RWDD4: variants seen among roughly 807,000 people sequenced by gnomAD.
RWDD4 encodes RWD domain-containing protein 4.
A neutral mutation model predicts 30.0 loss-of-function variants in RWDD4; 16 were observed. The ratio of observed to expected loss-of-function variants is 0.53; its 90% confidence interval spans 0.36 to 0.81. RWDD4 has a LOEUF of 0.81. RWDD4 is among the 30% of genes least tolerant of loss of function. The pLI is 0.00. For synonymous variants in RWDD4, 45 were observed against 72.1 expected (o/e 0.62, Z 1.90); for missense variants, 170 against 223.9 (o/e 0.76, Z 1.54).
At position 183,656,898 on chromosome 4, in the gene RWDD4, C is replaced by T. The variant is rs563308012; in HGVS notation, c.25-937G>A. Among the ~76,000 whole-genome samples, 10 of 152,254 alleles carry T rather than the reference C, an allele frequency of 6.6e-5. No homozygotes were observed. The South Asian group carries it at 1.7e-3, about 25-fold the overall frequency. Reference sequence around the variant, plus strand: ...AAAATTAGCCAGGTGTGGTGATGGGCGCCTGTAGTCCCAGCTACTCAGGAG... The same window carrying T: ...AAAATTAGCCAGGTGTGGTGATGGGTGCCTGTAGTCCCAGCTACTCAGGAG... On this transcript the variant is annotated intron_variant, in intron 1 of 7. Transcript: ENST00000326397.
In RWDD4 at chr4:183,651,382, T is replaced by G; in HGVS notation, c.106-55A>C. ...AAAAGGTGATAAAAAGACAGAAAAC[T>G]AAATTATAATCTTCAAAAGGGTGAA... On this transcript the variant is annotated intron_variant, in intron 2 of 7. Transcript: ENST00000326397. The G allele has an allele frequency of 4.8e-6, 6 of 1,237,668 alleles. No individual in the cohort carries two copies. The Admixed American group carries it at 1.1e-4, about 23-fold the overall frequency. The allele number at this position is 1,237,668 out of a possible 1,614,324, so 76.7% of individuals were successfully genotyped here. A position where few individuals can be genotyped will look rare whatever the true frequency, so the allele number is the denominator to read the frequency against.
At chr4:183,654,944 G>T (rs1299780556) in intron 2 of RWDD4, among the ~76,000 whole-genome samples, 1 of 150,864 alleles carries the variant, frequency 6.6e-6, no homozygotes, top group Admixed American at 6.6e-5. Context: ...TTATTTGTGT[G>T]TTTTTTTTGT....
intron 7 of RWDD4, 34 bp from the exon 8 acceptor site, chr4:183,641,502 G>A: frequency 6.5e-7 from 1 of 1,538,550 alleles, no homozygotes; most frequent in Non-Finnish European, 9.0e-7. Flanking sequence ...GTCAACAAGT[G>A]GTATTTTCTG....
intron 7 of RWDD4, among the ~76,000 whole-genome samples, chr4:183,645,944 C>G (rs1441349125): frequency 6.6e-6 from 1 of 151,978 alleles, no homozygotes; most frequent in African/African-American, 2.4e-5. Context: ...ACTCTGTCGC[C>G]CAGGCTGGAG....
At chr4:183,656,295 C>G (rs1018892047) in intron 1 of RWDD4, among the ~76,000 whole-genome samples, 2 of 152,206 alleles carry the variant, frequency 1.3e-5, no homozygotes, top group Non-Finnish European at 2.9e-5. Flanking sequence ...AGCAAGCGCT[C>G]TTAGAACTTG....
chr4:183,646,593 T>C lies in RWDD4; in HGVS notation c.482-56A>G, dbSNP rs1733970438. On this transcript the variant is annotated intron_variant, in intron 5 of 7. Transcript: ENST00000326397. ...TAAGACCAACCAGCTAGTTTTATAATAATTAAGATTTTATATACTACTGTA... is the reference window on the plus strand; with the variant it reads ...TAAGACCAACCAGCTAGTTTTATAACAATTAAGATTTTATATACTACTGTA... 6 of 1,492,380 alleles carry C rather than the reference T, an allele frequency of 4.0e-6. No individual in the cohort carries two copies. In the South Asian group the frequency reaches 4.8e-5, roughly 12 times the overall value. 92.4% of individuals were successfully genotyped at this position (1,492,380 alleles called of 1,614,324 possible).
chr4:183,649,416 A>G (rs554668994), intron 5 of RWDD4, 35 bp downstream of exon 5: 92 of 1,419,874 alleles, frequency 6.5e-5, no homozygotes, highest in Non-Finnish European at 4.0e-5. Context: ...CTCTGTCAAA[A>G]AAAAGAAAAG....
rs773692483 is a variant in RWDD4 at position 183,659,179 on chromosome 4, G to C, written c.-227C>G. On this transcript the variant is annotated 5_prime_UTR_variant, in exon 1 of 8. Transcript: ENST00000326397. ...GCCGGAGCCGCGGCTGGTGGGGCCT[G>C]GGAAGTGCAGCGTCTCCCTGACGCT... The C allele has an allele frequency of 3.5e-4, 137 of 394,694 alleles. No homozygotes were observed. The highest frequency in any genetic ancestry group is 2.6e-3 in the Middle Eastern group (4 of 1,560). 24.4% of individuals were successfully genotyped at this position (394,694 alleles called of 1,614,324 possible).
rs1382631707 is a variant in RWDD4, at chr4:183,653,380, G to A, written c.106-2053C>T. Reference sequence around the variant, plus strand: ...GGCCAGGAGTTAGAGACCAGCCTGGGCAACACAGCAAGACCCTGTCTCTAT... The same window carrying A: ...GGCCAGGAGTTAGAGACCAGCCTGGACAACACAGCAAGACCCTGTCTCTAT... On this transcript the variant is annotated intron_variant, in intron 2 of 7. Transcript: ENST00000326397. Among the ~76,000 whole-genome samples, 4 of 151,710 alleles carry A rather than the reference G, an allele frequency of 2.6e-5. No individual in the cohort carries two copies. The East Asian group carries it at 5.8e-4, about 22-fold the overall frequency.
chr4:183,649,400 G>T, intron 5 of RWDD4, 51 bp downstream of exon 5: 3 of 1,226,318 alleles, frequency 2.4e-6, no homozygotes, highest in East Asian at 2.4e-5. Context: ...GGCAACAAGA[G>T]TGAGACTCTG....
intron 1 of RWDD4, 133 bp downstream of exon 1, chr4:183,658,796 C>T (rs1266558157): frequency 2.6e-6 from 2 of 774,980 alleles, no homozygotes; most frequent in Admixed American, 8.7e-5. Context: ...CGCCGGTGAA[C>T]TCGGGGCACC....
rs971585337 is a variant in RWDD4, at chr4:183,639,747, T to G, written c.*1689A>C. 6.6e-6 allele frequency: 1 copy of G among 152,614 alleles called. No homozygotes were observed. Among genetic ancestry groups the G allele is most frequent in the African/African-American group, 2.4e-5 (1 of 41,452 alleles). The allele number at this position is 152,614 out of a possible 1,614,324, so 9.5% of individuals were successfully genotyped here. On this transcript the variant is annotated 3_prime_UTR_variant, in exon 8 of 8. Coordinates refer to ENST00000326397, the MANE Select transcript of RWDD4 (RefSeq NM_152682.4). ...GAGTGTTAAACAGATGACGGCAATATTGATGAGGCTGTTCAAGTGTTTTAC... is the reference window on the plus strand; with the variant it reads ...GAGTGTTAAACAGATGACGGCAATAGTGATGAGGCTGTTCAAGTGTTTTAC...
chr4:183,650,967 A>G lies in RWDD4; in HGVS notation c.363+17T>C, dbSNP rs1390765181. ...AAACAACAAAAGAATCCGGCAAAAA[A>G]ATAATCACATACTCACTGCGGAATT... is the stretch of plus-strand genomic sequence containing the variant. On this transcript the variant is annotated intron_variant, in intron 4 of 7. Transcript: ENST00000326397. The G allele has an allele frequency of 3.1e-6, 5 of 1,593,384 alleles. No individual in the cohort carries two copies. In the African/African-American group the frequency reaches 4.1e-5, roughly 13 times the overall value.
At chr4:183,644,814 T>G (rs777608969) in intron 7 of RWDD4, among the ~76,000 whole-genome samples, 1 of 133,070 alleles carries the variant, frequency 7.5e-6, no homozygotes, top group African/African-American at 2.9e-5. Context: ...GAAAAGAAAA[T>G]AGCCCTGAGC....
rs1028499695 is a variant in RWDD4, at chr4:183,646,218, A to C, written c.534+133T>G. ...TGTCCCCTAAGTATCTGCATTCTTA[A>C]GATGTGCTTACATAGTCATACTATA... On this transcript the variant is annotated intron_variant, in intron 7 of 7. Coordinates refer to ENST00000326397, the MANE Select transcript of RWDD4 (RefSeq NM_152682.4). The C allele has an allele frequency of 6.2e-6, 4 of 645,402 alleles. No individual in the cohort carries two copies. The African/African-American group carries it at 7.3e-5, about 12-fold the overall frequency. 40.0% of individuals were successfully genotyped at this position (645,402 alleles called of 1,614,324 possible).
chr4:183,642,431 C>T (rs1348979892), intron 7 of RWDD4, among the ~76,000 whole-genome samples: 2 of 85,256 alleles, frequency 2.3e-5, no homozygotes, highest in Non-Finnish European at 4.4e-5. Flanking sequence ...CCTCGTGATC[C>T]GCCCGCCTCG....
chr4:183,646,023 C>G (rs1242279054), intron 7 of RWDD4, among the ~76,000 whole-genome samples: 2 of 152,178 alleles, frequency 1.3e-5, no homozygotes, highest in Non-Finnish European at 2.9e-5. Context: ...CGTGCCTCAG[C>G]CTCCTGAGTA....
intron 5 of RWDD4, 145 bp downstream of exon 5, chr4:183,649,306 C>T (rs975763237): frequency 9.3e-6 from 5 of 537,394 alleles, no homozygotes; most frequent in African/African-American, 2.0e-5. Context: ...CCCAACTACT[C>T]GGGAGGCTGA....
At chr4:183,653,580 G>A (rs555266928) in intron 2 of RWDD4, 1 of 152,192 alleles carries the variant, frequency 6.6e-6, no homozygotes, top group South Asian at 2.1e-4. Flanking sequence ...GTAAAACGGT[G>A]GAATGATACA....
Sources: allele counts gnomAD v4.1 joint callset (sites outside exome capture counted in the v4.1 genomes callset), GRCh38; gene constraint gnomAD v4.1.1; transcripts MANE v1.5; gene names NCBI Gene and HGNC (gene_info 2026-07-23, HGNC 2026-07-21).